Variants in ANO1 observed in about 807,000 individuals in gnomAD.
ANO1 encodes anoctamin 1, also known as anoctamin-1.
ANO1 carries 59 observed loss-of-function variants against 124.0 expected under a neutral mutation model. The ratio of observed to expected loss-of-function variants is 0.48; its 90% confidence interval spans 0.39 to 0.59. The LOEUF (loss-of-function observed/expected upper bound fraction) is 0.59. Among genes scored for constraint, ANO1 ranks in the 20% least tolerant of loss-of-function variants. ANO1 has a pLI of 0.00. For missense variants in ANO1, 1,059 were observed against 1,328.0 expected (o/e 0.80, Z 3.15); for synonymous variants, 529 against 532.0 (o/e 0.99, Z 0.08).
intron 2 of ANO1, among the ~76,000 whole-genome samples, chr11:70,097,845 C>T (rs1450162780): frequency 2.0e-5 from 3 of 152,320 alleles, no homozygotes; most frequent in East Asian, 1.9e-4. Context: ...TGCTGTTCCC[C>T]GTCCTAGGGA....
Position 70,062,910 on chromosome 11 carries a change from T to TTG in ANO1, c.59-15631_59-15630insGT, listed in dbSNP as rs1565171773. ...CAGAATGTGTCTATTATGTTGTTTT[T>TTG]TTGTTGTTGTTGTTGTTTGTTGTTG... On this transcript the variant is annotated intron_variant, in intron 1 of 27. Transcript: ENST00000531349. Among the ~76,000 whole-genome samples, 6 of 152,124 alleles carry TTG rather than the reference T, an allele frequency of 3.9e-5. No homozygotes were observed. The East Asian group carries it at 7.8e-4, about 20-fold the overall frequency.
chr11:70,138,617 G>A (rs144295608), intron 11 of ANO1, among the ~76,000 whole-genome samples: 48 of 152,150 alleles, frequency 3.2e-4, no homozygotes, highest in East Asian at 1.2e-3. Context: ...AACTCCCCCC[G>A]AAGGAGGTAA....
At chr11:70,086,281 G>A (rs1347594848) in intron 1 of ANO1, among the ~76,000 whole-genome samples, 1 of 152,302 alleles carries the variant, frequency 6.6e-6, no homozygotes, top group East Asian at 1.9e-4. Context: ...TGATCGACCT[G>A]TCTGTCTTGA....
the ANO1 span, among the ~76,000 whole-genome samples, chr11:69,980,825 G>A: frequency 8.5e-5 from 13 of 152,056 alleles, no homozygotes; most frequent in East Asian, 1.8e-3. Context: ...AGGCCAAGGC[G>A]GGCAGATCAC....
At chr11:70,062,067 CTTTTTT>C (rs1175846749) in intron 1 of ANO1, among the ~76,000 whole-genome samples, 2 of 62,270 alleles carry the variant, frequency 3.2e-5, no homozygotes, top group Admixed American at 2.2e-4. Flanking sequence ...TTCCTTCTTT[CTTTTTT>C]TTTTTTTTTT....
intron 1 of ANO1, among the ~76,000 whole-genome samples, chr11:70,029,398 T>C (rs1254300376): frequency 6.6e-6 from 1 of 152,222 alleles, no homozygotes; most frequent in Non-Finnish European, 1.5e-5. Flanking sequence ...CTCGGCTCAT[T>C]TGCTTCAAGA....
chr11:69,996,581 C>G (rs1554998393), intron 1 of ANO1, among the ~76,000 whole-genome samples: 1 of 152,160 alleles, frequency 6.6e-6, no homozygotes, highest in African/African-American at 2.4e-5. Flanking sequence ...CATCCAGAGA[C>G]CCCTGAATGA....
chr11:70,163,484 G>A, intron 19 of ANO1, 144 bp downstream of exon 19: 2 of 999,560 alleles, frequency 2.0e-6, no homozygotes, highest in Non-Finnish European at 3.1e-6. Flanking sequence ...AAACTTTTCT[G>A]TTCCCCTGAT....
intron 1 of ANO1, among the ~76,000 whole-genome samples, chr11:70,017,179 G>C (rs1856717226): frequency 6.6e-6 from 1 of 152,158 alleles, no homozygotes; most frequent in Non-Finnish European, 1.5e-5. Flanking sequence ...GGAGGATGAG[G>C]CTTAGCGGTC....
upstream of ANO1, among the ~76,000 whole-genome samples, chr11:69,985,129 AG>A (rs1295910260): frequency 6.6e-6 from 1 of 152,128 alleles, no homozygotes; most frequent in African/African-American, 2.4e-5. Context: ...TCCTGCCCTG[AG>A]CCCATGAGGC....
the ANO1 span, among the ~76,000 whole-genome samples, chr11:69,970,305 C>A: frequency 6.6e-6 from 1 of 152,178 alleles, no homozygotes; most frequent in East Asian, 1.9e-4. Flanking sequence ...TCGGTCCCAG[C>A]CCCAGCCTTG....
intron 1 of ANO1, among the ~76,000 whole-genome samples, chr11:70,037,072 T>C (rs896189188): frequency 6.6e-5 from 10 of 152,328 alleles, no homozygotes; most frequent in South Asian, 2.1e-4. Context: ...TCCTCTCTCA[T>C]CTGTCGGCCT....
chr11:70,069,902 T>C (rs7929240), intron 1 of ANO1, among the ~76,000 whole-genome samples: 108,889 of 152,144 alleles, frequency 0.72, 39,028 homozygotes, highest in African/African-American at 0.73. Flanking sequence ...TTTAACCCTT[T>C]GGGGATGAGT....
In ANO1 at chr11:70,181,450, A is replaced by G. The variant is rs577012435; in HGVS notation, c.2404-1052A>G. On this transcript the variant is annotated intron_variant, in intron 23 of 25. Coordinates refer to ENST00000355303, the MANE Select transcript of ANO1 (RefSeq NM_018043.7). ...CAGATTACAGGAAGGCTGCAGGCAG[A>G]GTGTGCACACCGGGATGGCCCCTTA... Among the ~76,000 whole-genome samples, 165 of 152,340 alleles carry G rather than the reference A, an allele frequency of 1.1e-3. 1 individual carries two copies. The highest frequency in any genetic ancestry group is 1.3e-3 in the Non-Finnish European group (91 of 68,020).
At chr11:70,037,309 G>T (rs896916872) in intron 1 of ANO1, among the ~76,000 whole-genome samples, 1 of 152,116 alleles carries the variant, frequency 6.6e-6, no homozygotes, top group Admixed American at 6.5e-5. Context: ...CTCAGGAGCT[G>T]TTGGGAACTG....
intron 5 of ANO1, among the ~76,000 whole-genome samples, chr11:70,107,524 C>T (rs2045605829): frequency 8.0e-6 from 1 of 124,562 alleles, no homozygotes; most frequent in Non-Finnish European, 1.7e-5. Context: ...TGGCCTGGGC[C>T]AGGGGGAACT....
intron 1 of ANO1, among the ~76,000 whole-genome samples, chr11:70,011,615 G>A (rs4980727): frequency 0.49 from 75,099 of 152,084 alleles, 19,695 homozygotes; most frequent in East Asian, 0.89. Flanking sequence ...CTAAGATGAA[G>A]CATCTCAGTT....
At chr11:69,985,123 G>A (rs193105833), upstream of ANO1, among the ~76,000 whole-genome samples, 2 of 152,316 alleles carry the variant, frequency 1.3e-5, no homozygotes, top group Non-Finnish European at 2.9e-5. Flanking sequence ...CCGGCTTCCT[G>A]CCCTGAGCCC....
At chr11:70,088,964 C>G (rs913430672) in intron 2 of ANO1, among the ~76,000 whole-genome samples, 13 of 152,204 alleles carry the variant, frequency 8.5e-5, no homozygotes, top group African/African-American at 3.1e-4. Context: ...GGTCGACCCC[C>G]CTCGAGTGCC....
Sources: gnomAD v4.1 joint callset for allele counts (sites outside exome capture counted in the v4.1 genomes callset) on GRCh38, gnomAD v4.1.1 for gene constraint, MANE v1.5 for transcripts, NCBI Gene and HGNC (gene_info 2026-07-23, HGNC 2026-07-21) for gene names.